Variants in STPG2 observed in about 807,000 individuals in gnomAD.
The protein encoded by STPG2 is sperm tail PG-rich repeat containing 2.
In STPG2, 56 loss-of-function variants were observed where a neutral mutation model predicts 54.2. The ratio of observed to expected loss-of-function variants is 1.03; its 90% CI spans 0.83 to 1.29. The LOEUF (loss-of-function observed/expected upper bound fraction) is 1.29, where lower values mean the gene tolerates loss of function less well. Among genes scored for constraint, STPG2 ranks in the 50% most tolerant of loss-of-function variants. The pLI is 0.00. For missense variants in STPG2, 596 were observed against 544.9 expected, an observed-to-expected ratio of 1.09 and a Z score of -0.93; for synonymous variants, 200 against 181.8, an observed-to-expected ratio of 1.10 and a Z score of -0.81.
chr4:97,694,331 T>C lies in STPG2; in HGVS notation c.1320+18368A>G, dbSNP rs145060639. Among the ~76,000 whole-genome samples the C allele has an allele frequency of 3.5e-3, 531 of 151,872 alleles. 4 individuals carry two copies. Among genetic ancestry groups the C allele is most frequent in the African/African-American group, 0.013 (521 of 41,428 alleles). ...GCTCAATTAGAAATGAAATGGGAGA[T>C]ATTACAGCCAATACTACAGAAATAC... On this transcript the variant is annotated intron_variant, in intron 10 of 10. Transcript: ENST00000295268.
Position 97,828,373 on chromosome 4 carries a change from T to C in STPG2, c.1204+12400A>G, listed in dbSNP as rs545943980. On this transcript the variant is annotated intron_variant, in intron 9 of 10. Coordinates refer to ENST00000295268, the MANE Select transcript of STPG2 (RefSeq NM_174952.3). ...ACTCTGGCCCAGACACTGCACTTTT[T>C]CTAAGACCTTCGCAACCCGCAGACC... Among the ~76,000 whole-genome samples, 5 of 152,304 alleles carry C rather than the reference T, an allele frequency of 3.3e-5. No homozygotes were observed. In the South Asian group the frequency reaches 8.3e-4, roughly 25 times the overall value.
intron 5 of STPG2, among the ~76,000 whole-genome samples, chr4:98,105,597 T>C (rs1739165533): frequency 6.6e-6 from 1 of 152,166 alleles, no homozygotes; most frequent in Non-Finnish European, 1.5e-5. Flanking sequence ...GTTAGAGGCC[T>C]CTTACATCTG....
intron 5 of STPG2, among the ~76,000 whole-genome samples, chr4:98,102,167 C>A (rs1417849584): frequency 2.6e-5 from 4 of 152,188 alleles, no homozygotes; most frequent in African/African-American, 7.2e-5. Context: ...TACCTACCTC[C>A]CTCACCTCTG....
chr4:97,444,936 C>G (rs1678646127), intron 4 of STPG2, among the ~76,000 whole-genome samples: 1 of 152,070 alleles, frequency 6.6e-6, no homozygotes, highest in South Asian at 2.1e-4. Flanking sequence ...ACTCAGGAGG[C>G]TGAGGCAAGA....
chr4:97,976,239 G>T (rs531074601), intron 6 of STPG2, among the ~76,000 whole-genome samples: 12 of 152,220 alleles, frequency 7.9e-5, no homozygotes, highest in Admixed American at 2.6e-4. Flanking sequence ...TCTTACAGTG[G>T]TAATGTTTAG....
chr4:97,835,452 C>T (rs1427836751), intron 9 of STPG2, among the ~76,000 whole-genome samples: 1 of 152,046 alleles, frequency 6.6e-6, no homozygotes. Flanking sequence ...TTCTTTATTC[C>T]TTTATTTTCT....
At chr4:98,116,490 G>C (rs958935587) in intron 3 of STPG2, among the ~76,000 whole-genome samples, 5 of 151,876 alleles carry the variant, frequency 3.3e-5, no homozygotes, top group African/African-American at 1.2e-4. Flanking sequence ...ACATAACCAG[G>C]AAGTCTGGCT....
chr4:97,987,955 T>C (rs1034824213), intron 5 of STPG2, among the ~76,000 whole-genome samples: 1 of 151,684 alleles, frequency 6.6e-6, no homozygotes, highest in Non-Finnish European at 1.5e-5. Context: ...ATTGTATCAC[T>C]CCGCTTCTCA....
chr4:97,873,994 G>A (rs1578644619), intron 8 of STPG2, among the ~76,000 whole-genome samples: 1 of 151,292 alleles, frequency 6.6e-6, no homozygotes, highest in East Asian at 1.9e-4. Flanking sequence ...CTCTAATTAT[G>A]TAATTAAAAT....
At chr4:97,794,899 T>A (rs1727116530) in intron 9 of STPG2, among the ~76,000 whole-genome samples, 1 of 152,172 alleles carries the variant, frequency 6.6e-6, no homozygotes, top group African/African-American at 2.4e-5. Context: ...ATGGAAATGA[T>A]TAAACTTAAA....
intron 8 of STPG2, among the ~76,000 whole-genome samples, chr4:97,855,770 A>C (rs1578626226): frequency 6.6e-6 from 1 of 151,740 alleles, no homozygotes; most frequent in Non-Finnish European, 1.5e-5. Flanking sequence ...TATTGCCTAA[A>C]TTTTCTTCTA....
intron 10 of STPG2, among the ~76,000 whole-genome samples, chr4:97,632,947 A>G (rs1721340411): frequency 6.6e-6 from 1 of 152,172 alleles, no homozygotes; most frequent in Non-Finnish European, 1.5e-5. Context: ...AATTATATTT[A>G]GAAGGGGGAT....
At chr4:97,826,952 T>C (rs904400715) in intron 9 of STPG2, among the ~76,000 whole-genome samples, 1 of 152,256 alleles carries the variant, frequency 6.6e-6, no homozygotes, top group African/African-American at 2.4e-5. Flanking sequence ...TGTCTTGTTT[T>C]GGTCCCCTTC....
At chr4:97,978,534 G>C (rs915345145) in intron 6 of STPG2, among the ~76,000 whole-genome samples, 4 of 152,088 alleles carry the variant, frequency 2.6e-5, no homozygotes, top group Non-Finnish European at 5.9e-5. Flanking sequence ...AGGAGGGAGA[G>C]AGTCAGGAAA....
intron 10 of STPG2, among the ~76,000 whole-genome samples, chr4:97,699,629 AG>A (rs1237771728): frequency 2.0e-5 from 3 of 152,196 alleles, no homozygotes; most frequent in Non-Finnish European, 2.9e-5. Context: ...CTGCCCACTG[AG>A]GAGAGTTCCC....
chr4:97,542,312 A>G (rs945645858), intron 4 of STPG2, among the ~76,000 whole-genome samples: 1 of 152,238 alleles, frequency 6.6e-6, no homozygotes, highest in East Asian at 1.9e-4. Flanking sequence ...GGCAAAGGAT[A>G]TGTACAGAGA....
At chr4:97,550,312 T>C (rs948459787) in intron 4 of STPG2, among the ~76,000 whole-genome samples, 2 of 152,112 alleles carry the variant, frequency 1.3e-5, no homozygotes, top group African/African-American at 4.8e-5. Context: ...AGTGTCTTAA[T>C]GTTTGTAATC....
At chr4:97,792,213 A>G (rs912480359) in intron 9 of STPG2, among the ~76,000 whole-genome samples, 1 of 152,190 alleles carries the variant, frequency 6.6e-6, no homozygotes, top group Non-Finnish European at 1.5e-5. Context: ...TATAGTATAT[A>G]CTATATAGTT....
intron 10 of STPG2, among the ~76,000 whole-genome samples, chr4:97,665,287 C>T (rs1377612512): frequency 6.6e-6 from 1 of 152,200 alleles, no homozygotes; most frequent in African/African-American, 2.4e-5. Flanking sequence ...TCTTGTCTCA[C>T]ACCCAGGAAG....
Sources: gnomAD v4.1 joint callset for allele counts (sites outside exome capture counted in the v4.1 genomes callset) on GRCh38, gnomAD v4.1.1 for gene constraint, MANE v1.5 for transcripts, NCBI Gene and HGNC (gene_info 2026-07-23, HGNC 2026-07-21) for gene names.